The following CFAP299 variants were observed in gnomAD, a reference collection of about 807,000 sequenced individuals.
CFAP299 encodes the protein cilia and flagella associated protein 299, also known as cilia- and flagella-associated protein 299.
A neutral mutation model predicts 27.0 loss-of-function variants in CFAP299; 21 were observed. The observed-to-expected ratio is 0.78, with a 90% confidence interval of 0.55 to 1.12. The LOEUF is 1.12. Among genes scored for constraint, CFAP299 ranks in the 50% most tolerant of loss-of-function variants. CFAP299 has a pLI of 0.00. For missense variants in CFAP299, 310 were observed against 276.6 expected (o/e 1.12, Z -0.86); for synonymous variants, 104 against 98.1 (o/e 1.06, Z -0.36).
intron 2 of CFAP299, among the ~76,000 whole-genome samples, chr4:80,582,439 T>C (rs187184201): frequency 6.6e-6 from 1 of 152,058 alleles, no homozygotes; most frequent in African/African-American, 2.4e-5. Context: ...AAAAAGTTTG[T>C]GGAATATGTA....
chr4:80,832,806 T>C (rs1730368386), intron 3 of CFAP299, among the ~76,000 whole-genome samples: 1 of 152,142 alleles, frequency 6.6e-6, no homozygotes, highest in South Asian at 2.1e-4. Flanking sequence ...CAAATAGAAT[T>C]TCAATATAAA....
At position 80,452,239 on chromosome 4, in the gene CFAP299, G is replaced by T. The variant is rs552034684; in HGVS notation, c.242+89355G>T. Among the ~76,000 whole-genome samples the T allele has an allele frequency of 2.0e-4, 30 of 151,926 alleles. No homozygotes were observed. In the South Asian group the frequency reaches 6.3e-3, roughly 32 times the overall value. On this transcript the variant is annotated intron_variant, in intron 2 of 5. Transcript: ENST00000358105. ...TACATTAAAGGAACATGTAGGCTTTGCCTGACTCTCTCGGTGTCTTTCAAT... is the reference window on the plus strand; with the variant it reads ...TACATTAAAGGAACATGTAGGCTTTTCCTGACTCTCTCGGTGTCTTTCAAT...
chr4:80,800,588 T>C (rs1243702010), intron 3 of CFAP299, among the ~76,000 whole-genome samples: 2 of 93,190 alleles, frequency 2.1e-5, no homozygotes, highest in Admixed American at 1.9e-4. Flanking sequence ...ATATATAATA[T>C]ATAATATATT....
chr4:80,867,518 G>A (rs1453741919), intron 3 of CFAP299, among the ~76,000 whole-genome samples: 2 of 152,180 alleles, frequency 1.3e-5, no homozygotes, highest in Non-Finnish European at 2.9e-5. Context: ...AACGCCTTAA[G>A]CAACACAATT....
chr4:80,321,561 C>G, the CFAP299 span, among the ~76,000 whole-genome samples: 1 of 152,160 alleles, frequency 6.6e-6, no homozygotes, highest in Admixed American at 6.5e-5. Context: ...GGGCCGCTCC[C>G]CCATCGCCAC....
At chr4:80,747,747 A>G (rs1724703432) in intron 3 of CFAP299, among the ~76,000 whole-genome samples, 1 of 151,922 alleles carries the variant, frequency 6.6e-6, no homozygotes, top group Admixed American at 6.6e-5. Context: ...AAATGTTATG[A>G]TATCTGACTT....
At chr4:80,839,524 C>A (rs1357474170) in intron 3 of CFAP299, among the ~76,000 whole-genome samples, 1 of 152,108 alleles carries the variant, frequency 6.6e-6, no homozygotes, top group African/African-American at 2.4e-5. Context: ...TAACTTGAGG[C>A]AGGCCATGTC....
chr4:80,506,619 C>G (rs1732051530), intron 2 of CFAP299, among the ~76,000 whole-genome samples: 1 of 152,080 alleles, frequency 6.6e-6, no homozygotes, highest in East Asian at 1.9e-4. Context: ...GTAAAGTATG[C>G]AAGAAGCCCT....
chr4:80,410,571 C>T (rs1445609902), intron 2 of CFAP299, among the ~76,000 whole-genome samples: 1 of 152,058 alleles, frequency 6.6e-6, no homozygotes, highest in Non-Finnish European at 1.5e-5. Context: ...TGACTAGATC[C>T]GGGAAGAGAA....
intron 1 of CFAP299, among the ~76,000 whole-genome samples, chr4:80,353,888 T>TA (rs1337372233): frequency 2.6e-5 from 4 of 152,262 alleles, no homozygotes; most frequent in African/African-American, 9.6e-5. Flanking sequence ...TCTTTTGGAA[T>TA]AAAAAAACTT....
At chr4:80,865,651 A>T (rs1382693158) in intron 3 of CFAP299, among the ~76,000 whole-genome samples, 1 of 152,142 alleles carries the variant, frequency 6.6e-6, no homozygotes, top group African/African-American at 2.4e-5. Flanking sequence ...CAAACTTTTT[A>T]AAAATTTCAC....
At chr4:80,425,976 G>A (rs1368829133) in intron 2 of CFAP299, among the ~76,000 whole-genome samples, 1 of 152,088 alleles carries the variant, frequency 6.6e-6, no homozygotes, top group Admixed American at 6.5e-5. Context: ...TTGAATTTGT[G>A]GATGAAGTTG....
At chr4:80,925,418 G>T (rs1161832912) in intron 4 of CFAP299, among the ~76,000 whole-genome samples, 1 of 151,980 alleles carries the variant, frequency 6.6e-6, no homozygotes, top group African/African-American at 2.4e-5. Flanking sequence ...TGGGGTGTCT[G>T]ATGCTTCTGT....
intron 3 of CFAP299, among the ~76,000 whole-genome samples, chr4:80,720,431 C>A (rs573422826): frequency 6.6e-6 from 1 of 152,196 alleles, no homozygotes; most frequent in East Asian, 1.9e-4. Context: ...ACCTAACAAA[C>A]CTTAAAAGTA....
chr4:80,405,382 T>C (rs1480033274), intron 2 of CFAP299, among the ~76,000 whole-genome samples: 3 of 152,208 alleles, frequency 2.0e-5, no homozygotes, highest in African/African-American at 7.2e-5. Flanking sequence ...AAATATAATT[T>C]GCAGGAATGT....
chr4:80,918,209 G>T (rs1460484447), intron 4 of CFAP299, among the ~76,000 whole-genome samples: 1 of 152,028 alleles, frequency 6.6e-6, no homozygotes, highest in Non-Finnish European at 1.5e-5. Flanking sequence ...TGATTCAGTG[G>T]ATTTCACAAC....
At chr4:80,784,368 C>T (rs1031166649) in intron 3 of CFAP299, among the ~76,000 whole-genome samples, 2 of 152,128 alleles carry the variant, frequency 1.3e-5, no homozygotes, top group Non-Finnish European at 2.9e-5. Flanking sequence ...TGTGATCTGT[C>T]TTTTGAGGAT....
chr4:80,939,662 C>T (rs1194613594), intron 4 of CFAP299, among the ~76,000 whole-genome samples: 1 of 152,146 alleles, frequency 6.6e-6, no homozygotes, highest in African/African-American at 2.4e-5. Flanking sequence ...TCTTTTAGGT[C>T]AGCCACATGA....
chr4:80,870,484 C>T, intron 4 of CFAP299: 1 of 995,666 alleles, frequency 1.0e-6, no homozygotes. Context: ...ACATGTTTTC[C>T]TCCACTTTTC....
Sources: gnomAD v4.1 joint callset for allele counts (sites outside exome capture counted in the v4.1 genomes callset) on GRCh38, gnomAD v4.1.1 for gene constraint, MANE v1.5 for transcripts, NCBI Gene and HGNC (gene_info 2026-07-23, HGNC 2026-07-21) for gene names.